Variants in GALNT9 observed in about 807,000 individuals in gnomAD.
The protein encoded by GALNT9 is GalNAc transferase 9.
In GALNT9, 47 loss-of-function variants were observed where a neutral mutation model predicts 63.1. The observed-to-expected ratio is 0.75, with a 90% CI of 0.59 to 0.95. The LOEUF (loss-of-function observed/expected upper bound fraction) is 0.95. Among genes scored for constraint, GALNT9 ranks in the 40% least tolerant of loss-of-function variants. The pLI, the probability that GALNT9 is intolerant of heterozygous loss-of-function variation, is 0.00. For synonymous variants in GALNT9, 396 were observed against 365.7 expected (o/e 1.08, Z -0.94); for missense variants, 829 against 874.8 (o/e 0.95, Z 0.66).
chr12:132,329,044 C>A lies in GALNT9; in HGVS notation c.160G>T (p.Val54Leu), dbSNP rs1423411465. The change falls in exon 1 of 11, where the codon GTG becomes TTG. Residue 54 changes from valine to leucine, a missense_variant. Coordinates refer to ENST00000328957, the MANE Select transcript of GALNT9 (RefSeq NM_001122636.2). ...DRRVRSRHAK[V>L]GTLGDREAIL... The stretch of plus-strand genomic sequence containing the variant: ...GCCTCACGGTCCCCCAGCGTGCCCA[C>A]CTTGGCGTGTCGGCTGCGCACCCGG... 12 of 1,546,266 alleles carry A rather than the reference C, an allele frequency of 7.8e-6. No homozygotes were observed. The Admixed American group carries it at 2.0e-4, about 25-fold the overall frequency.
intron 6 of GALNT9, among the ~76,000 whole-genome samples, chr12:132,207,918 A>C (rs1430960307): frequency 2.0e-5 from 3 of 151,694 alleles, no homozygotes; most frequent in Non-Finnish European, 4.4e-5. Flanking sequence ...CCCACCCCCC[A>C]CCACGACTCC....
At chr12:132,207,403 C>T (rs1876760576) in intron 6 of GALNT9, among the ~76,000 whole-genome samples, 1 of 152,242 alleles carries the variant, frequency 6.6e-6, no homozygotes, top group African/African-American at 2.4e-5. Context: ...CCACTCTGTC[C>T]CCGGGGCCTT....
chr12:132,322,368 AG>A (rs1329160562), intron 1 of GALNT9, among the ~76,000 whole-genome samples: 7 of 152,268 alleles, frequency 4.6e-5, no homozygotes, highest in Admixed American at 3.9e-4. Flanking sequence ...GGAATGCAGC[AG>A]GTGCTCACGA....
In GALNT9 at chr12:132,201,172, G is replaced by A. The variant is rs1245153614; in HGVS notation, c.1353C>T (p.Asn451=). ...KCRSFKWYLE[N]VYPEMRVYNN... ...TGTAGACCCTCATCTCCGGGTACAC[G>A]TTCTCCAGGTACCACTTGAAGCTGC... The change falls in exon 8 of 11, where the codon AAC becomes AAT. Residue 451 remains asparagine, a synonymous_variant. Transcript: ENST00000328957. 8.1e-6 allele frequency: 13 copies of A among 1,613,196 alleles called. No individual in the cohort carries two copies. Among genetic ancestry groups the A allele is most frequent in the African/African-American group, 2.7e-5 (2 of 74,898 alleles).
intron 1 of GALNT9, among the ~76,000 whole-genome samples, chr12:132,314,789 G>A (rs935037402): frequency 1.3e-5 from 2 of 152,292 alleles, no homozygotes; most frequent in East Asian, 1.9e-4. Flanking sequence ...CCCTCTCCCC[G>A]ATGCCCCCTC....
intron 1 of GALNT9, among the ~76,000 whole-genome samples, chr12:132,321,185 C>T (rs571881256): frequency 3.3e-5 from 5 of 151,204 alleles, no homozygotes; most frequent in South Asian, 4.2e-4. Context: ...GGTCCGGAGT[C>T]GAGGCCCCTG....
intron 6 of GALNT9, among the ~76,000 whole-genome samples, chr12:132,216,057 C>T (rs1450470955): frequency 1.3e-5 from 2 of 151,988 alleles, no homozygotes; most frequent in Non-Finnish European, 2.9e-5. Flanking sequence ...TAATGATAGA[C>T]AGAGACATAG....
At chr12:132,244,219 G>C (rs1212359619) in intron 6 of GALNT9, among the ~76,000 whole-genome samples, 6 of 126,468 alleles carry the variant, frequency 4.7e-5, no homozygotes, top group African/African-American at 1.9e-4. Context: ...ACTGGAAAGC[G>C]GTGGTCAGCA....
chr12:132,263,143 C>A (rs2135545751), intron 2 of GALNT9, among the ~76,000 whole-genome samples: 1 of 152,262 alleles, frequency 6.6e-6, no homozygotes, highest in South Asian at 2.1e-4. Flanking sequence ...CTGGGCACAG[C>A]CAAGGAGCCA....
At chr12:132,303,747 A>G (rs1250056817) in intron 1 of GALNT9, among the ~76,000 whole-genome samples, 2 of 31,152 alleles carry the variant, frequency 6.4e-5, no homozygotes, top group Admixed American at 3.9e-4. Flanking sequence ...ACACACCCTC[A>G]CCCGGGCACA....
intron 1 of GALNT9, among the ~76,000 whole-genome samples, chr12:132,294,568 C>T (rs1880979978): frequency 1.6e-5 from 1 of 61,828 alleles, no homozygotes; most frequent in Admixed American, 1.2e-4. Flanking sequence ...TTCAGGCGTC[C>T]TGCTCAGGGT....
At chr12:132,300,115 C>T (rs551915322) in intron 1 of GALNT9, among the ~76,000 whole-genome samples, 15 of 147,466 alleles carry the variant, frequency 1.0e-4, no homozygotes, top group Admixed American at 7.5e-4. Flanking sequence ...ATAACTAACC[C>T]ACTCCCACCA....
intron 6 of GALNT9, among the ~76,000 whole-genome samples, chr12:132,225,629 CCACACCCCACACACTGTATATA>C (rs1426237336): frequency 1.4e-5 from 2 of 145,860 alleles, no homozygotes; most frequent in African/African-American, 2.6e-5. Flanking sequence ...ATCACACAAC[CCACACCCCACACACTGTATATA>C]CACACCCCAC....
Position 132,238,933 on chromosome 12 carries a change from A to C in GALNT9, c.1077+8977T>G, listed in dbSNP as rs1878101968. Among the ~76,000 whole-genome samples the C allele has an allele frequency of 6.6e-6, 1 of 152,208 alleles. No individual in the cohort carries two copies. The highest frequency in any genetic ancestry group is 1.5e-5 in the Non-Finnish European group (1 of 68,038). Reference sequence around the variant, plus strand: ...AGATAACTGTACAAATAAATACAATAAGATACACACCGCAGTTAAAGTGGT... The same window carrying C: ...AGATAACTGTACAAATAAATACAATCAGATACACACCGCAGTTAAAGTGGT... On this transcript the variant is annotated intron_variant, in intron 6 of 10. Transcript: ENST00000328957. The surrounding 1 kb of genome is among the most constrained non-coding windows in gnomAD (Gnocchi z 6.5).
intron 5 of GALNT9, among the ~76,000 whole-genome samples, chr12:132,250,794 G>GACA (rs111708700): frequency 0.27 from 41,444 of 151,654 alleles, 6,634 homozygotes; most frequent in African/African-American, 0.44. Context: ...CGTCTCAAAC[G>GACA]ACAACAACAA....
chr12:132,293,433 A>C (rs1555242957), intron 1 of GALNT9, among the ~76,000 whole-genome samples: 1 of 152,104 alleles, frequency 6.6e-6, no homozygotes, highest in South Asian at 2.1e-4. Context: ...TTTAATACCT[A>C]TTGACGATTC....
At position 132,245,931 on chromosome 12, in the gene GALNT9, C is replaced by G. The variant is rs1437914255; in HGVS notation, c.1077+1979G>C. Reference sequence around the variant, plus strand: ...CTCCACCCCAGGGGTCCCGTCCTCCCTCGCTCTTCGGCCTCGGTGGTGGCT... The same window carrying G: ...CTCCACCCCAGGGGTCCCGTCCTCCGTCGCTCTTCGGCCTCGGTGGTGGCT... On this transcript the variant is annotated intron_variant, in intron 6 of 10. Transcript: ENST00000328957. This position sits in a 1 kb window ranked among gnomAD's most constrained non-coding sequence, Gnocchi z 6.3. Among the ~76,000 whole-genome samples, 5 of 152,232 alleles carry G rather than the reference C, an allele frequency of 3.3e-5. No individual in the cohort carries two copies. The East Asian group carries it at 9.6e-4, about 29-fold the overall frequency.
Position 132,265,865 on chromosome 12 carries a change from G to A in GALNT9, c.420-3240C>T, listed in dbSNP as rs2135547293. Among the ~76,000 whole-genome samples, 1 of 152,372 alleles carries A rather than the reference G, an allele frequency of 6.6e-6. No homozygotes were observed. The highest frequency in any genetic ancestry group is 1.9e-4 in the East Asian group (1 of 5,188). On this transcript the variant is annotated intron_variant, in intron 2 of 10. Coordinates refer to ENST00000328957, the MANE Select transcript of GALNT9 (RefSeq NM_001122636.2). This position sits in a 1 kb window ranked among gnomAD's most constrained non-coding sequence, Gnocchi z 5.3. Reference sequence around the variant, plus strand: ...AGTAAGAGACACACCCCCAGGTGAGGATTCTATATGTAATGATACATGCAG... The same window carrying A: ...AGTAAGAGACACACCCCCAGGTGAGAATTCTATATGTAATGATACATGCAG...
intron 1 of GALNT9, among the ~76,000 whole-genome samples, chr12:132,328,215 C>A (rs1555246660): frequency 6.6e-6 from 1 of 152,202 alleles, no homozygotes; most frequent in Non-Finnish European, 1.5e-5. Context: ...GATGCCGGTG[C>A]TGCTCCTCGG....
Sources: gnomAD v4.1 joint callset for allele counts (sites outside exome capture counted in the v4.1 genomes callset) on GRCh38, gnomAD v4.1.1 for gene constraint, Gnocchi (gnomAD v3.1) non-coding constraint, MANE v1.5 for transcripts, NCBI Gene and HGNC (gene_info 2026-07-23, HGNC 2026-07-21) for gene names.